Variants in ZNG1F observed in about 807,000 individuals in gnomAD.
The protein encoded by ZNG1F is Zn regulated GTPase metalloprotein activator 1F.
At chr9:41,155,172 A>T in the ZNG1F span, among the ~76,000 whole-genome samples, 85 of 151,518 alleles carry the variant, frequency 5.6e-4, no homozygotes, top group Non-Finnish European at 1.0e-3. Context: ...AAAGCAAACA[A>T]CCCCATCAAA....
the ZNG1F span, among the ~76,000 whole-genome samples, chr9:41,150,323 C>T: frequency 7.3e-5 from 11 of 150,832 alleles, 1 homozygote; most frequent in East Asian, 1.2e-3. Context: ...GAGGGTCCCA[C>T]GCCCACGGAG....
At chr9:41,160,453 C>T in the ZNG1F span, among the ~76,000 whole-genome samples, 1 of 56,952 alleles carries the variant, frequency 1.8e-5, no homozygotes, top group African/African-American at 5.4e-5. Flanking sequence ...GACAGAGTCT[C>T]GCTCTGTCAC....
chr9:41,203,013 TG>T, the ZNG1F span, among the ~76,000 whole-genome samples: 2 of 152,176 alleles, frequency 1.3e-5, no homozygotes, highest in Non-Finnish European at 2.9e-5. Context: ...TCAGTTGTTT[TG>T]TAGAATGTTC....
the ZNG1F span, among the ~76,000 whole-genome samples, chr9:41,174,024 C>A: frequency 6.7e-6 from 1 of 148,520 alleles, no homozygotes; most frequent in Admixed American, 6.8e-5. Flanking sequence ...GGGTTCAAGA[C>A]CAGTCAGGCC....
the ZNG1F span, among the ~76,000 whole-genome samples, chr9:41,154,619 A>G: frequency 6.8e-6 from 1 of 146,564 alleles, no homozygotes; most frequent in Non-Finnish European, 1.5e-5. Context: ...ACAAGGCTAC[A>G]GTCACCAAAA....
the ZNG1F span, among the ~76,000 whole-genome samples, chr9:41,155,287 A>T: frequency 6.6e-6 from 1 of 150,522 alleles, no homozygotes; most frequent in Non-Finnish European, 1.5e-5. Flanking sequence ...GAGAAATGCA[A>T]ATCAAAACCA....
At chr9:41,154,849 C>T in the ZNG1F span, among the ~76,000 whole-genome samples, 2 of 149,392 alleles carry the variant, frequency 1.3e-5, no homozygotes, top group African/African-American at 2.5e-5. Context: ...ATACAAAAAT[C>T]AATTCAAGAT....
At chr9:41,164,984 C>T in the ZNG1F span, 1 of 1,584,158 alleles carries the variant, frequency 6.3e-7, no homozygotes. Context: ...AGGCACTTAA[C>T]ACACATCATT....
the ZNG1F span, among the ~76,000 whole-genome samples, chr9:41,204,888 G>C: frequency 6.7e-6 from 1 of 148,190 alleles, no homozygotes; most frequent in African/African-American, 2.5e-5. Flanking sequence ...AATTTTATGA[G>C]TTATAATTTT....
chr9:41,183,192 T>C, the ZNG1F span, among the ~76,000 whole-genome samples: 1 of 129,530 alleles, frequency 7.7e-6, no homozygotes, highest in Non-Finnish European at 1.6e-5. Context: ...TAGAACATAA[T>C]GTAAGGTTTT....
At chr9:41,165,231 T>C in the ZNG1F span, 40 of 677,820 alleles carry the variant, frequency 5.9e-5, 2 homozygotes, top group East Asian at 6.7e-4. Context: ...AAGGATTATA[T>C]AGTGCTCTAT....
At chr9:41,160,513 C>T in the ZNG1F span, among the ~76,000 whole-genome samples, 1 of 123,044 alleles carries the variant, frequency 8.1e-6, no homozygotes, top group Non-Finnish European at 1.7e-5. Context: ...AGCTCCGCCT[C>T]CCGGGTTCAC....
chr9:41,183,819 C>T, the ZNG1F span, among the ~76,000 whole-genome samples: 2 of 149,648 alleles, frequency 1.3e-5, no homozygotes, highest in African/African-American at 4.9e-5. Context: ...AGCCTTGATA[C>T]CTAAATTACA....
the ZNG1F span, among the ~76,000 whole-genome samples, chr9:41,200,814 C>T: frequency 6.6e-6 from 1 of 152,164 alleles, no homozygotes; most frequent in African/African-American, 2.4e-5. Context: ...CAGGGAAACT[C>T]ACCTTTTTAA....
chr9:41,135,707 A>T, the ZNG1F span, among the ~76,000 whole-genome samples: 1 of 83,844 alleles, frequency 1.2e-5, no homozygotes, highest in African/African-American at 5.8e-5. Flanking sequence ...TTTCTTGCTG[A>T]TTTGTTGGAG....
At chr9:41,131,729 T>C in the ZNG1F span, 6 of 291,198 alleles carry the variant, frequency 2.1e-5, no homozygotes, top group Non-Finnish European at 3.5e-5. Context: ...GAAATGCCTC[T>C]AGTGTTATGT....
At chr9:41,150,388 G>A in the ZNG1F span, among the ~76,000 whole-genome samples, 1 of 146,230 alleles carries the variant, frequency 6.8e-6, no homozygotes, top group Non-Finnish European at 1.5e-5. Flanking sequence ...CGGCAGCGAG[G>A]CTGGGGGAGG....
At chr9:41,183,714 G>A in the ZNG1F span, 66 of 1,604,306 alleles carry the variant, frequency 4.1e-5, 5 homozygotes, top group Non-Finnish European at 5.4e-5. Flanking sequence ...ATGTCCATTA[G>A]CCAACAAAAA....
At chr9:41,134,077 T>C in the ZNG1F span, 1 of 328,914 alleles carries the variant, frequency 3.0e-6, no homozygotes, top group East Asian at 7.2e-5. Flanking sequence ...ACACATACAA[T>C]GTACTCACTA....
Sources: gnomAD v4.1 joint callset for allele counts (sites outside exome capture counted in the v4.1 genomes callset) on GRCh38, gnomAD v4.1.1 for gene constraint, MANE v1.5 for transcripts, NCBI Gene and HGNC (gene_info 2026-07-23, HGNC 2026-07-21) for gene names.